FBXL17: variants seen among roughly 807,000 people sequenced by gnomAD.
The protein encoded by FBXL17 is F-box/LRR-repeat protein 17.
FBXL17 carries 22 observed loss-of-function variants against 66.2 expected under a neutral mutation model. The observed-to-expected ratio is 0.33, with a 90% CI of 0.24 to 0.47. FBXL17 has a LOEUF of 0.47. FBXL17 is among the 20% of genes least tolerant of loss of function. FBXL17 has a pLI of 1.00. For synonymous variants in FBXL17, 474 were observed against 400.5 expected, an observed-to-expected ratio of 1.18 and a Z score of -2.19; for missense variants, 878 against 948.2, an observed-to-expected ratio of 0.93 and a Z score of 0.97.
At chr5:108,317,219 A>T (rs938955045) in intron 4 of FBXL17, among the ~76,000 whole-genome samples, 1 of 151,350 alleles carries the variant, frequency 6.6e-6, no homozygotes, top group African/African-American at 2.4e-5. Context: ...ACCCATATAT[A>T]TTCATTTGTT....
intron 6 of FBXL17, among the ~76,000 whole-genome samples, chr5:108,062,766 T>C (rs1747974348): frequency 1.3e-5 from 2 of 152,128 alleles, no homozygotes; most frequent in Non-Finnish European, 2.9e-5. Context: ...ATATAATCCA[T>C]AAATGTACAG....
chr5:108,379,948 A>T (rs1749724932), intron 1 of FBXL17, among the ~76,000 whole-genome samples: 2 of 152,238 alleles, frequency 1.3e-5, no homozygotes, highest in Non-Finnish European at 2.9e-5. Flanking sequence ...GGGCATTACA[A>T]CATAGCATAA....
chr5:108,282,193 T>C (rs1757726981), intron 4 of FBXL17, among the ~76,000 whole-genome samples: 1 of 151,700 alleles, frequency 6.6e-6, no homozygotes, highest in Non-Finnish European at 1.5e-5. Context: ...ATCATCCTGA[T>C]ACCAAAAATG....
intron 6 of FBXL17, among the ~76,000 whole-genome samples, chr5:108,043,761 ATTT>A (rs1284846939): frequency 6.6e-6 from 1 of 152,132 alleles, no homozygotes; most frequent in Non-Finnish European, 1.5e-5. Context: ...ACTTTCTGAG[ATTT>A]TGATAGAAAT....
At chr5:108,171,080 A>C (rs1384697264) in intron 6 of FBXL17, among the ~76,000 whole-genome samples, 3 of 152,146 alleles carry the variant, frequency 2.0e-5, no homozygotes, top group Non-Finnish European at 4.4e-5. Context: ...TCCCTTTCAG[A>C]CTCAGTCCCT....
At chr5:108,205,122 A>G (rs544467421) in intron 5 of FBXL17, among the ~76,000 whole-genome samples, 2 of 152,094 alleles carry the variant, frequency 1.3e-5, no homozygotes, top group East Asian at 3.9e-4. Flanking sequence ...CCTGTCTCTA[A>G]AAGTCACATC....
intron 6 of FBXL17, among the ~76,000 whole-genome samples, chr5:108,174,791 T>G (rs1234771523): frequency 6.9e-6 from 1 of 143,918 alleles, no homozygotes; most frequent in African/African-American, 2.6e-5. Context: ...CTCCTCAGCC[T>G]CTTTTCAATT....
chr5:108,106,566 A>G (rs1687137780), intron 6 of FBXL17, among the ~76,000 whole-genome samples: 1 of 152,238 alleles, frequency 6.6e-6, no homozygotes, highest in South Asian at 2.1e-4. Context: ...AAATAAAAAG[A>G]AAGTGTGAAA....
intron 6 of FBXL17, among the ~76,000 whole-genome samples, chr5:108,022,553 C>T (rs1754643129): frequency 6.6e-6 from 1 of 151,920 alleles, no homozygotes; most frequent in South Asian, 2.1e-4. Flanking sequence ...CCATTGCCTA[C>T]CAAAAAAACT....
intron 6 of FBXL17, among the ~76,000 whole-genome samples, chr5:108,081,570 A>G (rs767311487): frequency 9.9e-5 from 15 of 152,034 alleles, no homozygotes; most frequent in Admixed American, 5.2e-4. Flanking sequence ...AAATACAAAA[A>G]AAAGTAGCCG....
At chr5:107,932,241 A>G (rs1234992542) in intron 7 of FBXL17, among the ~76,000 whole-genome samples, 1 of 152,208 alleles carries the variant, frequency 6.6e-6, no homozygotes, top group Non-Finnish European at 1.5e-5. Flanking sequence ...ACGTGAATAG[A>G]AAGTTTATTT....
Position 108,359,250 on chromosome 5 carries a change from A to G in FBXL17, c.1374+5488T>C, listed in dbSNP as rs543509965. On this transcript the variant is annotated intron_variant, in intron 3 of 8. Coordinates refer to ENST00000542267, the MANE Select transcript of FBXL17 (RefSeq NM_001163315.3). ...GTCAGAGTTTTTTAAAATCTTTTCG[A>G]AGAACCTAGTTTGGTTTTCAATAAT... Among the ~76,000 whole-genome samples the G allele has an allele frequency of 1.3e-4, 20 of 152,212 alleles. No homozygotes were observed. In the East Asian group the frequency reaches 3.5e-3, roughly 26 times the overall value.
intron 6 of FBXL17, among the ~76,000 whole-genome samples, chr5:108,118,031 T>A (rs1750332158): frequency 6.6e-6 from 1 of 152,158 alleles, no homozygotes; most frequent in South Asian, 2.1e-4. Flanking sequence ...CATTACCACA[T>A]AATACCTGGC....
chr5:108,090,256 C>G (rs1749139005), intron 6 of FBXL17, among the ~76,000 whole-genome samples: 1 of 152,136 alleles, frequency 6.6e-6, no homozygotes, highest in South Asian at 2.1e-4. Flanking sequence ...AAAAATGCTT[C>G]CCATGTATGA....
chr5:108,279,026 C>G (rs1580734825), intron 4 of FBXL17, among the ~76,000 whole-genome samples: 1 of 152,172 alleles, frequency 6.6e-6, no homozygotes. Flanking sequence ...CTGGCTCTTA[C>G]CTGTAAGCAC....
At chr5:108,041,894 C>T (rs2112804943) in intron 6 of FBXL17, among the ~76,000 whole-genome samples, 1 of 152,244 alleles carries the variant, frequency 6.6e-6, no homozygotes, top group East Asian at 1.9e-4. Flanking sequence ...ATTCATCTAT[C>T]CATTCTATAA....
At chr5:108,214,635 G>T (rs1039976043) in intron 5 of FBXL17, among the ~76,000 whole-genome samples, 2 of 151,978 alleles carry the variant, frequency 1.3e-5, no homozygotes, top group South Asian at 2.1e-4. Flanking sequence ...CTCCCAAACT[G>T]CTGGGATTAC....
intron 7 of FBXL17, among the ~76,000 whole-genome samples, chr5:107,934,126 C>A (rs1256878785): frequency 6.6e-6 from 1 of 152,096 alleles, no homozygotes; most frequent in Non-Finnish European, 1.5e-5. Flanking sequence ...ATAATTGACT[C>A]TAATTTTATT....
chr5:107,911,874 A>T (rs1749958172), intron 7 of FBXL17, among the ~76,000 whole-genome samples: 1 of 152,176 alleles, frequency 6.6e-6, no homozygotes, highest in Admixed American at 6.6e-5. Flanking sequence ...ATGGTTACAA[A>T]TAATTTACAG....
Sources: allele counts gnomAD v4.1 joint callset (sites outside exome capture counted in the v4.1 genomes callset), GRCh38; gene constraint gnomAD v4.1.1; transcripts MANE v1.5; gene names NCBI Gene and HGNC (gene_info 2026-07-23, HGNC 2026-07-21).